Variants in KCNIP3 observed in about 807,000 individuals in gnomAD.
KCNIP3 encodes the protein potassium voltage-gated channel interacting protein 3, also known as calsenilin.
A neutral mutation model predicts 35.0 loss-of-function variants in KCNIP3; 28 were observed. The observed-to-expected ratio is 0.80, with a 90% CI of 0.59 to 1.10. The LOEUF (loss-of-function observed/expected upper bound fraction) is 1.10, where lower values mean the gene tolerates loss of function less well. Among genes scored for constraint, KCNIP3 ranks in the 50% least tolerant of loss-of-function variants. KCNIP3 has a pLI of 0.00. For missense variants in KCNIP3, 295 were observed against 338.4 expected, an observed-to-expected ratio of 0.87 and a Z score of 1.01; for synonymous variants, 134 against 133.8, an observed-to-expected ratio of 1.00 and a Z score of -0.01.
chr2:95,298,453 G>A (rs970501142), intron 1 of KCNIP3, among the ~76,000 whole-genome samples: 8 of 152,164 alleles, frequency 5.3e-5, no homozygotes, highest in Admixed American at 4.6e-4. Flanking sequence ...ACTGACATAT[G>A]AGCAGGAAGG....
intron 2 of KCNIP3, among the ~76,000 whole-genome samples, chr2:95,347,995 C>G (rs997491649): frequency 5.3e-5 from 8 of 152,250 alleles, no homozygotes; most frequent in African/African-American, 1.9e-4. Context: ...GGAAGTGCCC[C>G]AAGTTCCTGC....
At chr2:95,310,601 G>T in intron 2 of KCNIP3, 81 bp downstream of exon 2, 1 of 1,520,118 alleles carries the variant, frequency 6.6e-7, no homozygotes, top group Non-Finnish European at 9.1e-7. Flanking sequence ...GGGCTCAAAG[G>T]CCAGCCTGGG....
chr2:95,307,180 G>A lies in KCNIP3; in HGVS notation c.16-3175G>A, dbSNP rs183356435. On this transcript the variant is annotated intron_variant, in intron 1 of 8. Transcript: ENST00000295225. ...TCAGCCAGATGGAGGAGCCTGGCCC[G>A]GAACCCCCACCACCACTCCACCCAG... Among the ~76,000 whole-genome samples, 232 of 152,282 alleles carry A rather than the reference G, an allele frequency of 1.5e-3. 7 individuals carry two copies. In the East Asian group the frequency reaches 0.039, roughly 26 times the overall value.
chr2:95,384,156 G>T lies in KCNIP3; in HGVS notation c.*107G>T. On this transcript the variant is annotated 3_prime_UTR_variant, in exon 9 of 9. Coordinates refer to ENST00000295225, the MANE Select transcript of KCNIP3 (RefSeq NM_013434.5). ...CTTTTAAAAAATAGATTTGCAAAAA[G>T]TGAACAGATTGCTACACACACACAC... The T allele has an allele frequency of 2.6e-6, 2 of 774,710 alleles. No individual in the cohort carries two copies. Among genetic ancestry groups the T allele is most frequent in the Non-Finnish European group, 4.5e-6 (2 of 443,610 alleles). 48.0% of individuals were successfully genotyped at this position (774,710 alleles called of 1,614,324 possible).
At chr2:95,371,960 G>A (rs1680051101) in intron 2 of KCNIP3, among the ~76,000 whole-genome samples, 1 of 151,826 alleles carries the variant, frequency 6.6e-6, no homozygotes, top group African/African-American at 2.4e-5. Flanking sequence ...GCCCGCCACT[G>A]CACCCGGCTC....
Position 95,375,211 on chromosome 2 carries a change from A to G in KCNIP3, c.447+3A>G, listed in dbSNP as rs1186449465. On this transcript the variant is annotated splice_donor_region_variant and intron_variant, in intron 5 of 8. Transcript: ENST00000295225. ...GGAACGGGGCCATCCACTTTGAGGT[A>G]GGTCCTCGCGGATTCCTCCCACGTG... The G allele has an allele frequency of 4.3e-6, 7 of 1,613,730 alleles. No individual in the cohort carries two copies. The highest frequency in any genetic ancestry group is 2.2e-5 in the East Asian group (1 of 44,872).
At chr2:95,365,230 C>A (rs905322741) in intron 2 of KCNIP3, among the ~76,000 whole-genome samples, 4 of 144,308 alleles carry the variant, frequency 2.8e-5, no homozygotes, top group African/African-American at 1.0e-4. Context: ...GACATGATCT[C>A]AGCTCACTGC....
At chr2:95,320,687 C>A (rs921120724) in intron 2 of KCNIP3, among the ~76,000 whole-genome samples, 2 of 152,142 alleles carry the variant, frequency 1.3e-5, no homozygotes, top group Non-Finnish European at 2.9e-5. Context: ...TAGCCACAGT[C>A]ACCACCCGAC....
intron 2 of KCNIP3, among the ~76,000 whole-genome samples, chr2:95,315,792 G>A (rs1489752376): frequency 2.0e-5 from 3 of 152,120 alleles, no homozygotes; most frequent in African/African-American, 4.8e-5. Flanking sequence ...GGGCTGTGGG[G>A]AAAGCGGCAA....
chr2:95,326,872 C>T (rs1363375470), intron 2 of KCNIP3, among the ~76,000 whole-genome samples: 1 of 152,218 alleles, frequency 6.6e-6, no homozygotes, highest in African/African-American at 2.4e-5. Flanking sequence ...CCTCGCCCTG[C>T]CCTTCCTCGG....
chr2:95,365,717 G>T (rs550676539), intron 2 of KCNIP3, among the ~76,000 whole-genome samples: 1 of 152,192 alleles, frequency 6.6e-6, no homozygotes, highest in South Asian at 2.1e-4. Flanking sequence ...CCTCGGGAAA[G>T]AGGATTAAGT....
intron 2 of KCNIP3, among the ~76,000 whole-genome samples, chr2:95,350,581 C>T (rs866225318): frequency 3.3e-5 from 5 of 152,130 alleles, no homozygotes; most frequent in African/African-American, 7.2e-5. Context: ...GGATGGGCAC[C>T]GAGCAGGGGG....
chr2:95,315,471 C>T (rs1678429732), intron 2 of KCNIP3, among the ~76,000 whole-genome samples: 1 of 152,176 alleles, frequency 6.6e-6, no homozygotes, highest in Non-Finnish European at 1.5e-5. Flanking sequence ...CTTGCTGTCC[C>T]ACACTCCGGG....
chr2:95,343,326 TTCC>T (rs1366111533), intron 2 of KCNIP3, among the ~76,000 whole-genome samples: 1 of 152,018 alleles, frequency 6.6e-6, no homozygotes, highest in Non-Finnish European at 1.5e-5. Flanking sequence ...GAGTGTGAAA[TTCC>T]ATTCCTGGGC....
At chr2:95,318,500 G>A (rs1678512573) in intron 2 of KCNIP3, among the ~76,000 whole-genome samples, 1 of 152,226 alleles carries the variant, frequency 6.6e-6, no homozygotes, top group South Asian at 2.1e-4. Flanking sequence ...TGGAGGCCTT[G>A]GCAGGGATGT....
chr2:95,308,601 C>T (rs750743505), intron 1 of KCNIP3, among the ~76,000 whole-genome samples: 38 of 152,288 alleles, frequency 2.5e-4, no homozygotes, highest in Non-Finnish European at 5.3e-4. Flanking sequence ...GCCCATGCCT[C>T]GGGAGAGGGG....
Position 95,320,737 on chromosome 2 carries a change from C to T in KCNIP3, c.181+10217C>T, listed in dbSNP as rs367635720. 7.2e-5 allele frequency among the ~76,000 whole-genome samples: 11 copies of T among 152,246 alleles called. No homozygotes were observed. The East Asian group carries it at 1.5e-3, about 21-fold the overall frequency. On this transcript the variant is annotated intron_variant, in intron 2 of 8. Coordinates refer to ENST00000295225, the MANE Select transcript of KCNIP3 (RefSeq NM_013434.5). ...CGTCAGACCCAACTGGCCCTGCATC[C>T]CCCAAACTCCAGGGGACACATTCAG...
rs771851206 is a variant in KCNIP3 at position 95,384,014 on chromosome 2, A to C, written c.736A>C (p.Met246Leu). ...TCTCTCCATGCAGGATGAGAACATC[A>C]TGAGCTCCATGCAGCTGTTTGAGAA... Reference protein sequence around the residue: ...LEACQKDENIMSSMQLFENVI With the variant: ...LEACQKDENILSSMQLFENVI Residue 246 changes from methionine (M) to leucine (L), a missense_variant, in exon 9 of 9, where the codon ATG (methionine) becomes CTG (leucine). By Grantham distance (15) the Met-to-Leu change is conservative. Transcript: ENST00000295225. 2 of 1,613,940 alleles carry C rather than the reference A, an allele frequency of 1.2e-6. No individual in the cohort carries two copies. Among genetic ancestry groups the C allele is most frequent in the Non-Finnish European group, 1.7e-6 (2 of 1,179,956 alleles).
At chr2:95,359,481 C>G (rs58610630) in intron 2 of KCNIP3, among the ~76,000 whole-genome samples, 25,123 of 152,140 alleles carry the variant, frequency 0.17, 2,309 homozygotes, top group East Asian at 0.29. Context: ...GCCCTGGGCA[C>G]CCCCACCCCC....
Sources: allele counts gnomAD v4.1 joint callset (sites outside exome capture counted in the v4.1 genomes callset), GRCh38; gene constraint gnomAD v4.1.1; transcripts MANE v1.5; gene names NCBI Gene and HGNC (gene_info 2026-07-23, HGNC 2026-07-21).